NRXN1: variants seen among roughly 807,000 people sequenced by gnomAD.
NRXN1 encodes the protein neurexin 1.
Under a neutral mutation model 150.9 loss-of-function variants are expected in NRXN1, and 39 were observed. That is an observed-to-expected ratio of 0.26 (90% CI 0.20 to 0.34). The LOEUF (loss-of-function observed/expected upper bound fraction) is 0.34. Among genes scored for constraint, NRXN1 ranks in the 10% least tolerant of loss-of-function variants. NRXN1 has a pLI of 1.00. For missense variants in NRXN1, 1,815 were observed against 1,949.9 expected, an observed-to-expected ratio of 0.93 and a Z score of 1.30; for synonymous variants, 924 against 757.0, an observed-to-expected ratio of 1.22 and a Z score of -3.62.
intron 17 of NRXN1, among the ~76,000 whole-genome samples, chr2:50,375,021 C>A (rs892407525): frequency 2.0e-5 from 3 of 152,070 alleles, no homozygotes; most frequent in Non-Finnish European, 4.4e-5. Flanking sequence ...GCTGTTGACA[C>A]CAGTGCCCTA....
chr2:50,989,499 T>C (rs1413618690), intron 2 of NRXN1, among the ~76,000 whole-genome samples: 1 of 152,002 alleles, frequency 6.6e-6, no homozygotes, highest in Non-Finnish European at 1.5e-5. Flanking sequence ...GCAATTGTTT[T>C]CTGTCCCTGT....
At chr2:50,445,877 CTT>C (rs2104485324) in intron 17 of NRXN1, among the ~76,000 whole-genome samples, 1 of 152,270 alleles carries the variant, frequency 6.6e-6, no homozygotes, top group Admixed American at 6.5e-5. Context: ...ATCCCCTACT[CTT>C]TGTCCATTCC....
intron 5 of NRXN1, among the ~76,000 whole-genome samples, chr2:50,780,524 T>C (rs907661459): frequency 6.6e-6 from 1 of 152,310 alleles, no homozygotes; most frequent in African/African-American, 2.4e-5. Flanking sequence ...TTTAAATTAA[T>C]CATTATTTCA....
At chr2:50,683,628 T>G in intron 5 of NRXN1, among the ~76,000 whole-genome samples, 1 of 14,562 alleles carries the variant, frequency 6.9e-5, no homozygotes, top group Non-Finnish European at 1.1e-4. Context: ...CAAGACTCCG[T>G]CTCAAAAAAA....
chr2:50,815,581 G>T lies in NRXN1; in HGVS notation c.832+106288C>A, dbSNP rs553275916. 8.6e-5 allele frequency among the ~76,000 whole-genome samples: 13 copies of T among 152,046 alleles called. No individual in the cohort carries two copies. In the East Asian group the frequency reaches 2.3e-3, roughly 27 times the overall value. On this transcript the variant is annotated intron_variant, in intron 5 of 22. Coordinates refer to ENST00000401669, the MANE Select transcript of NRXN1 (RefSeq NM_001330078.2). ...TTATACCCATATGTCTATTTCAGAA[G>T]AGGTATTGTAAAATGATTTAAAATT...
At chr2:50,994,705 A>G (rs920408431) in intron 2 of NRXN1, among the ~76,000 whole-genome samples, 1 of 152,118 alleles carries the variant, frequency 6.6e-6, no homozygotes, top group African/African-American at 2.4e-5. Context: ...CTAAAGTTAT[A>G]GATAATATAA....
intron 5 of NRXN1, among the ~76,000 whole-genome samples, chr2:50,884,074 A>C (rs1374071888): frequency 6.6e-6 from 1 of 151,816 alleles, no homozygotes; most frequent in African/African-American, 2.4e-5. Context: ...GGTAAATATA[A>C]AGCACAAAAA....
At chr2:50,215,266 C>T (rs1293062957) in intron 18 of NRXN1, among the ~76,000 whole-genome samples, 2 of 151,964 alleles carry the variant, frequency 1.3e-5, no homozygotes. Context: ...TTATAAGGCT[C>T]TGAAGGTAAA....
intron 5 of NRXN1, among the ~76,000 whole-genome samples, chr2:50,833,582 A>T (rs1671701697): frequency 6.6e-6 from 1 of 152,214 alleles, no homozygotes; most frequent in Non-Finnish European, 1.5e-5. Context: ...TTTATACGAC[A>T]TTCTCAAAGA....
chr2:50,737,017 G>T (rs1389792831), intron 5 of NRXN1, among the ~76,000 whole-genome samples: 1 of 152,044 alleles, frequency 6.6e-6, no homozygotes, highest in African/African-American at 2.4e-5. Context: ...CAGCACTTTG[G>T]GAGGCTGAGG....
At chr2:50,014,455 T>A (rs961038620) in intron 21 of NRXN1, among the ~76,000 whole-genome samples, 15 of 152,240 alleles carry the variant, frequency 9.9e-5, no homozygotes, top group South Asian at 2.1e-4. Context: ...GTGCACTGTA[T>A]GATGGTTAGC....
At chr2:51,000,507 A>T (rs1195534558) in intron 2 of NRXN1, among the ~76,000 whole-genome samples, 1 of 151,374 alleles carries the variant, frequency 6.6e-6, no homozygotes, top group African/African-American at 2.4e-5. Flanking sequence ...ATTTCATTTG[A>T]TTCTTATATG....
chr2:50,405,264 G>A (rs565113931), intron 17 of NRXN1, among the ~76,000 whole-genome samples: 1 of 152,148 alleles, frequency 6.6e-6, no homozygotes, highest in Admixed American at 6.5e-5. Context: ...CAATGAAGTC[G>A]CAGGCTCAAC....
At chr2:50,856,673 G>T (rs184013013) in intron 5 of NRXN1, among the ~76,000 whole-genome samples, 1 of 151,846 alleles carries the variant, frequency 6.6e-6, no homozygotes, top group South Asian at 2.1e-4. Flanking sequence ...TTTAATTGTC[G>T]TGAAATATGT....
At chr2:50,193,866 A>T (rs1476949906) in intron 18 of NRXN1, among the ~76,000 whole-genome samples, 2 of 152,180 alleles carry the variant, frequency 1.3e-5, no homozygotes, top group African/African-American at 4.8e-5. Flanking sequence ...GCAATTTGAA[A>T]GTGGTTGTAT....
rs185873213 is a variant in NRXN1, at chr2:50,895,921, A to G, written c.832+25948T>C. On this transcript the variant is annotated intron_variant, in intron 5 of 22. Coordinates refer to ENST00000401669, the MANE Select transcript of NRXN1 (RefSeq NM_001330078.2). ...TGTAAGGGCATTGACATTCCAAACGATTATTAAAACCCATGTGAAATATAT... is the reference window on the plus strand; with the variant it reads ...TGTAAGGGCATTGACATTCCAAACGGTTATTAAAACCCATGTGAAATATAT... Among the ~76,000 whole-genome samples the G allele has an allele frequency of 1.6e-3, 241 of 152,034 alleles. 2 individuals carry two copies. The highest frequency in any genetic ancestry group is 5.4e-3 in the African/African-American group (226 of 41,502).
chr2:50,934,499 A>C (rs1688231734), intron 2 of NRXN1, among the ~76,000 whole-genome samples: 2 of 152,088 alleles, frequency 1.3e-5, no homozygotes, highest in African/African-American at 2.4e-5. Context: ...TTCTAAGTAA[A>C]ATTAAAATTT....
chr2:50,714,361 T>G (rs540616767), intron 5 of NRXN1, among the ~76,000 whole-genome samples: 1 of 152,236 alleles, frequency 6.6e-6, no homozygotes, highest in Non-Finnish European at 1.5e-5. Flanking sequence ...AATCTGTCTT[T>G]TTTTTCAGTG....
intron 5 of NRXN1, among the ~76,000 whole-genome samples, chr2:50,830,186 C>G (rs1671220461): frequency 1.3e-5 from 2 of 151,828 alleles, no homozygotes; most frequent in African/African-American, 4.8e-5. Flanking sequence ...ATTCAGCTAC[C>G]AATACATACA....
Sources: gnomAD v4.1 joint callset for allele counts (sites outside exome capture counted in the v4.1 genomes callset) on GRCh38, gnomAD v4.1.1 for gene constraint, MANE v1.5 for transcripts, NCBI Gene and HGNC (gene_info 2026-07-23, HGNC 2026-07-21) for gene names.